The following CDK13 variants were observed in gnomAD, a reference collection of about 807,000 sequenced individuals.
CDK13 encodes the protein cyclin dependent kinase 13.
In CDK13, 40 loss-of-function variants were observed where a neutral mutation model predicts 137.6. The ratio of observed to expected loss-of-function variants is 0.29; its 90% CI spans 0.23 to 0.38. The LOEUF (loss-of-function observed/expected upper bound fraction) is 0.38. Among genes scored for constraint, CDK13 ranks in the 10% least tolerant of loss-of-function variants. CDK13 has a pLI of 1.00. For missense variants in CDK13, 1,704 were observed against 1,951.8 expected (o/e 0.87, Z 2.39); for synonymous variants, 869 against 760.1 (o/e 1.14, Z -2.36).
chr7:39,990,428 A>T (rs1784433852), intron 2 of CDK13, among the ~76,000 whole-genome samples: 1 of 152,140 alleles, frequency 6.6e-6, no homozygotes, highest in Non-Finnish European at 1.5e-5. Flanking sequence ...TCTATAATTT[A>T]CCTAAATGTA....
At chr7:40,036,713 A>AT (rs898980999) in intron 5 of CDK13, among the ~76,000 whole-genome samples, 12 of 151,992 alleles carry the variant, frequency 7.9e-5, no homozygotes, top group Admixed American at 6.6e-4. Context: ...TAAAAAAAAA[A>AT]ACAAAAAACT....
At chr7:40,004,613 A>T (rs1310213151) in intron 5 of CDK13, among the ~76,000 whole-genome samples, 1 of 152,224 alleles carries the variant, frequency 6.6e-6, no homozygotes, top group East Asian at 1.9e-4. Flanking sequence ...ACATTACACT[A>T]ATTGTGATTG....
chr7:40,024,678 T>TTTTTTTTC (rs1356189748), intron 5 of CDK13, among the ~76,000 whole-genome samples: 2 of 93,122 alleles, frequency 2.1e-5, no homozygotes, highest in Middle Eastern at 8.3e-3. Flanking sequence ...TTTTTTTTTT[T>TTTTTTTTC]CCTGAGACAG....
At chr7:40,045,685 G>C in intron 5 of CDK13, 151 bp from the exon 6 acceptor site, 3 of 531,292 alleles carry the variant, frequency 5.6e-6, no homozygotes, top group Non-Finnish European at 6.5e-6. Context: ...ATTAAGTCCA[G>C]AGAGAAAGAT....
intron 12 of CDK13, among the ~76,000 whole-genome samples, chr7:40,091,112 G>C (rs1159489993): frequency 6.6e-6 from 1 of 151,740 alleles, no homozygotes; most frequent in Non-Finnish European, 1.5e-5. Context: ...TTGGGAGGCT[G>C]AGGCGGGCGG....
At chr7:39,971,814 T>A (rs1784005310) in intron 1 of CDK13, among the ~76,000 whole-genome samples, 1 of 151,686 alleles carries the variant, frequency 6.6e-6, no homozygotes, top group African/African-American at 2.4e-5. Context: ...ACCTGGGAGG[T>A]GGAGCTTGCA....
At chr7:40,028,343 T>G (rs1223086600) in intron 5 of CDK13, among the ~76,000 whole-genome samples, 1 of 151,486 alleles carries the variant, frequency 6.6e-6, no homozygotes, top group Non-Finnish European at 1.5e-5. Context: ...CTCAGCCTCC[T>G]GAGTAGCTGG....
intron 5 of CDK13, among the ~76,000 whole-genome samples, chr7:40,038,622 G>A (rs374644811): frequency 6.7e-4 from 102 of 152,268 alleles, no homozygotes; most frequent in Middle Eastern, 3.4e-3. Context: ...AGCTTTGTCA[G>A]TAGACTCTGG....
chr7:40,020,126 G>T (rs966367894), intron 5 of CDK13, among the ~76,000 whole-genome samples: 1 of 152,054 alleles, frequency 6.6e-6, no homozygotes, highest in African/African-American at 2.4e-5. Context: ...GGAGTGCAGT[G>T]TCACAATCTT....
intron 1 of CDK13, among the ~76,000 whole-genome samples, chr7:39,972,230 G>A (rs886960906): frequency 6.6e-6 from 1 of 152,018 alleles, no homozygotes; most frequent in African/African-American, 2.4e-5. Context: ...CTTTTAATAT[G>A]GCATAAGAAC....
At chr7:40,006,584 CG>C (rs1403325789) in intron 5 of CDK13, among the ~76,000 whole-genome samples, 2 of 152,080 alleles carry the variant, frequency 1.3e-5, no homozygotes, top group African/African-American at 4.8e-5. Context: ...TTGGCTGAGG[CG>C]GGCGGATCAC....
intron 1 of CDK13, among the ~76,000 whole-genome samples, chr7:39,970,904 G>T (rs1783983618): frequency 6.6e-6 from 1 of 152,154 alleles, no homozygotes; most frequent in Non-Finnish European, 1.5e-5. Flanking sequence ...AACTTTCCAT[G>T]TAGTATCATT....
Position 39,976,323 on chromosome 7 carries a change from T to TCTCTCACACACACACACACA in CDK13, c.1212-11275_1212-11274insTCTCACACACACACACACAC. The stretch of plus-strand genomic sequence containing the variant: ...CTCTCTCTCTCTCTCTCTCTCTCTC[T>TCTCTCACACACACACACACA]CACACACACACACACACACACACAC... On this transcript the variant is annotated intron_variant, in intron 1 of 13. Coordinates refer to ENST00000181839, the MANE Select transcript of CDK13 (RefSeq NM_003718.5). Among the ~76,000 whole-genome samples, 121 of 39,548 alleles carry TCTCTCACACACACACACACA rather than the reference T, an allele frequency of 3.1e-3. 2 individuals are homozygous for TCTCTCACACACACACACACA. Among genetic ancestry groups the TCTCTCACACACACACACACA allele is most frequent in the Non-Finnish European group, 4.9e-3 (84 of 17,096 alleles). 25.9% of individuals were successfully genotyped at this position (39,548 alleles called of 152,430 possible).
At chr7:40,016,492 T>TA (rs1276919090) in intron 5 of CDK13, among the ~76,000 whole-genome samples, 1 of 152,204 alleles carries the variant, frequency 6.6e-6, no homozygotes, top group East Asian at 1.9e-4. Context: ...ATCATACAGT[T>TA]ACCATATAAA....
intron 5 of CDK13, among the ~76,000 whole-genome samples, chr7:40,035,176 A>G (rs1785455794): frequency 6.6e-6 from 1 of 152,248 alleles, no homozygotes; most frequent in Non-Finnish European, 1.5e-5. Flanking sequence ...TTCCACAACT[A>G]CATTACATAT....
At chr7:40,052,334 G>T (rs576289249) in intron 7 of CDK13, among the ~76,000 whole-genome samples, 7 of 152,056 alleles carry the variant, frequency 4.6e-5, no homozygotes, top group African/African-American at 1.7e-4. Flanking sequence ...CTGCCACCAC[G>T]CCCAGCTAAT....
chr7:39,953,195 T>C (rs1305559002), intron 1 of CDK13, among the ~76,000 whole-genome samples: 1 of 152,246 alleles, frequency 6.6e-6, no homozygotes, highest in African/African-American at 2.4e-5. Flanking sequence ...CCAAAAAAGT[T>C]CTATAAATTG....
intron 1 of CDK13, among the ~76,000 whole-genome samples, chr7:39,980,357 ATAGAT>A (rs1358652462): frequency 2.6e-5 from 4 of 152,192 alleles, no homozygotes; most frequent in African/African-American, 9.6e-5. Flanking sequence ...GTCTAGTAAT[ATAGAT>A]TAGAGTGGAA....
At chr7:40,003,924 C>T (rs1240193438) in intron 5 of CDK13, among the ~76,000 whole-genome samples, 1 of 152,180 alleles carries the variant, frequency 6.6e-6, no homozygotes, top group African/African-American at 2.4e-5. Flanking sequence ...AGTCTTCCCA[C>T]TTTCTACTAC....
Sources: allele counts gnomAD v4.1 joint callset (sites outside exome capture counted in the v4.1 genomes callset), GRCh38; gene constraint gnomAD v4.1.1; transcripts MANE v1.5; gene names NCBI Gene and HGNC (gene_info 2026-07-23, HGNC 2026-07-21).